The following CELF4 variants were observed in gnomAD, a reference collection of about 807,000 sequenced individuals.
The protein encoded by CELF4 is CUGBP Elav-like family member 4, also known as CUG-BP- and ETR-3-like factor 4.
A neutral mutation model predicts 59.9 loss-of-function variants in CELF4; 18 were observed. That is an observed-to-expected ratio of 0.30 (90% CI 0.21 to 0.45). The LOEUF is 0.45. Among genes scored for constraint, CELF4 ranks in the 20% least tolerant of loss-of-function variants. The probability of loss-of-function intolerance (pLI) is 1.00; values close to 1 mark genes in which losing one functional copy is unlikely to be tolerated. For synonymous variants in CELF4, 261 were observed against 267.1 expected, an observed-to-expected ratio of 0.98 and a Z score of 0.22; for missense variants, 456 against 689.0, an observed-to-expected ratio of 0.66 and a Z score of 3.79.
At chr18:37,257,083 G>GAA (rs200150330) in intron 11 of CELF4, among the ~76,000 whole-genome samples, 3 of 150,692 alleles carry the variant, frequency 2.0e-5, no homozygotes, top group African/African-American at 7.3e-5. Flanking sequence ...ACTAATTAGA[G>GAA]AGAAAAAAAA....
At position 37,244,937 on chromosome 18, in the gene CELF4, G is replaced by A; in HGVS notation, c.*305C>T. 1 of 152,604 alleles carries A rather than the reference G, an allele frequency of 6.6e-6. No individual in the cohort carries two copies. The highest frequency in any genetic ancestry group is 2.4e-5 in the African/African-American group (1 of 41,454). The allele number at this position is 152,604 out of a possible 1,614,324, so 9.5% of individuals were successfully genotyped here. On this transcript the variant is annotated 3_prime_UTR_variant, in exon 13 of 13. Coordinates refer to ENST00000420428, the MANE Select transcript of CELF4 (RefSeq NM_020180.4). Reference sequence around the variant, plus strand: ...TCTGCTCGTGATATTTTGTTTTAAAGTTGCCTTTTGTGTGTTTTTTTCTCA... The same window carrying A: ...TCTGCTCGTGATATTTTGTTTTAAAATTGCCTTTTGTGTGTTTTTTTCTCA...
At chr18:37,353,367 G>A (rs1184798213) in intron 2 of CELF4, among the ~76,000 whole-genome samples, 1 of 151,820 alleles carries the variant, frequency 6.6e-6, no homozygotes, top group African/African-American at 2.4e-5. Context: ...GGTCAGCAAT[G>A]GAGTGACGGG....
chr18:37,413,795 G>A (rs1230051036), intron 2 of CELF4, among the ~76,000 whole-genome samples: 1 of 152,186 alleles, frequency 6.6e-6, no homozygotes, highest in Non-Finnish European at 1.5e-5. Context: ...CCTCCCTTAT[G>A]TGCAGTGCCC....
At chr18:37,363,835 C>T (rs536151080) in intron 2 of CELF4, among the ~76,000 whole-genome samples, 3 of 152,262 alleles carry the variant, frequency 2.0e-5, no homozygotes, top group Middle Eastern at 6.8e-3. Flanking sequence ...TTTCTCTGCC[C>T]CACTCCAGCC....
intron 2 of CELF4, among the ~76,000 whole-genome samples, chr18:37,395,329 C>G (rs996249024): frequency 2.0e-5 from 3 of 152,098 alleles, no homozygotes; most frequent in African/African-American, 7.2e-5. Flanking sequence ...ATGACTGCTC[C>G]CACGGCGGGC....
At chr18:37,484,251 T>A (rs2099876365) in intron 2 of CELF4, among the ~76,000 whole-genome samples, 1 of 152,244 alleles carries the variant, frequency 6.6e-6, no homozygotes, top group Non-Finnish European at 1.5e-5. Flanking sequence ...AAGCCTTTGA[T>A]TATCCTACAA....
chr18:37,335,507 G>A (rs1480237898), intron 2 of CELF4, among the ~76,000 whole-genome samples: 1 of 152,024 alleles, frequency 6.6e-6, no homozygotes, highest in South Asian at 2.1e-4. Flanking sequence ...GTGTGTGTGT[G>A]TGTGTGGAGG....
At chr18:37,389,082 A>C (rs2099129786) in intron 2 of CELF4, among the ~76,000 whole-genome samples, 1 of 152,134 alleles carries the variant, frequency 6.6e-6, no homozygotes, top group Non-Finnish European at 1.5e-5. Flanking sequence ...GGTTGGCTTA[A>C]AGTGAGAAGA....
chr18:37,355,444 A>T (rs1225283089), intron 2 of CELF4, among the ~76,000 whole-genome samples: 1 of 152,144 alleles, frequency 6.6e-6, no homozygotes, highest in Non-Finnish European at 1.5e-5. Flanking sequence ...AGGCTGAGGC[A>T]GGTGGATCAC....
chr18:37,363,408 C>G (rs564683671), intron 2 of CELF4, among the ~76,000 whole-genome samples: 2 of 152,302 alleles, frequency 1.3e-5, no homozygotes, highest in Non-Finnish European at 2.9e-5. Flanking sequence ...ACATTCTTCA[C>G]GTGAGAGACT....
intron 2 of CELF4, among the ~76,000 whole-genome samples, chr18:37,483,639 G>T (rs191842720): frequency 6.6e-6 from 1 of 152,176 alleles, no homozygotes; most frequent in Non-Finnish European, 1.5e-5. Flanking sequence ...AGATTATGGG[G>T]AACAGTGTTA....
intron 2 of CELF4, among the ~76,000 whole-genome samples, chr18:37,337,808 A>AG (rs1207002755): frequency 6.6e-6 from 1 of 152,218 alleles, no homozygotes. Context: ...ATGCTCTCCC[A>AG]GGCCACTGTG....
At chr18:37,311,630 A>C (rs2096651751) in intron 3 of CELF4, among the ~76,000 whole-genome samples, 1 of 151,812 alleles carries the variant, frequency 6.6e-6, no homozygotes, top group Non-Finnish European at 1.5e-5. Context: ...TCTACTAAAA[A>C]TACAAAAAAT....
intron 1 of CELF4, among the ~76,000 whole-genome samples, chr18:37,490,322 G>C (rs1267844971): frequency 1.3e-5 from 2 of 151,756 alleles, no homozygotes; most frequent in African/African-American, 4.8e-5. Context: ...TTTTTGTTTT[G>C]TTTGACACAT....
chr18:37,495,892 C>T (rs1346599549), intron 1 of CELF4, among the ~76,000 whole-genome samples: 6 of 152,084 alleles, frequency 3.9e-5, no homozygotes, highest in Non-Finnish European at 8.8e-5. Context: ...GCTTCTCTGA[C>T]TCTTATCTCC....
At chr18:37,446,376 AG>A (rs2099748288) in intron 2 of CELF4, among the ~76,000 whole-genome samples, 1 of 152,072 alleles carries the variant, frequency 6.6e-6, no homozygotes, top group Non-Finnish European at 1.5e-5. Context: ...GCAGCCCCCC[AG>A]GGTCCTCAAC....
chr18:37,275,892 T>C (rs1469339241), intron 3 of CELF4: 1 of 152,206 alleles, frequency 6.6e-6, no homozygotes, highest in African/African-American at 2.4e-5. Context: ...TCCCACCCAT[T>C]CCCTGGGATG....
At chr18:37,528,487 A>G (rs1028030183) in intron 1 of CELF4, among the ~76,000 whole-genome samples, 6 of 152,208 alleles carry the variant, frequency 3.9e-5, no homozygotes. Flanking sequence ...ATGCAATACT[A>G]TGCAGCTACT....
At chr18:37,448,745 C>A (rs1212181114) in intron 2 of CELF4, among the ~76,000 whole-genome samples, 1 of 152,216 alleles carries the variant, frequency 6.6e-6, no homozygotes. Context: ...CCAGACTCTG[C>A]GCTTCCCAAG....
Sources: gnomAD v4.1 joint callset for allele counts (sites outside exome capture counted in the v4.1 genomes callset) on GRCh38, gnomAD v4.1.1 for gene constraint, MANE v1.5 for transcripts, NCBI Gene and HGNC (gene_info 2026-07-23, HGNC 2026-07-21) for gene names.